The following SPACA7 variants were observed in gnomAD, a reference collection of about 807,000 sequenced individuals.
SPACA7 encodes sperm acrosome associated 7, also known as sperm acrosome-associated protein 7.
SPACA7 carries 19 observed loss-of-function variants against 26.3 expected under a neutral mutation model. The ratio of observed to expected loss-of-function variants is 0.72; its 90% CI spans 0.50 to 1.06. The LOEUF (loss-of-function observed/expected upper bound fraction) is 1.06, where lower values mean the gene tolerates loss of function less well. Ranked by LOEUF, SPACA7 falls within the 50% of genes least tolerant of loss-of-function variation. The pLI is 0.00. For synonymous variants in SPACA7, 84 were observed against 84.5 expected (o/e 0.99, Z 0.04); for missense variants, 211 against 229.9 (o/e 0.92, Z 0.53).
At chr13:112,401,384 C>T (rs934693842) in intron 5 of SPACA7, among the ~76,000 whole-genome samples, 10 of 152,104 alleles carry the variant, frequency 6.6e-5, no homozygotes, top group Non-Finnish European at 1.2e-4. Flanking sequence ...CATTTTTATA[C>T]CACTTTTGTA....
intron 2 of SPACA7, among the ~76,000 whole-genome samples, chr13:112,396,549 T>C (rs1187257702): frequency 6.6e-6 from 1 of 152,148 alleles, no homozygotes; most frequent in Non-Finnish European, 1.5e-5. Flanking sequence ...CCAGTGCCTG[T>C]GCAGTGTCTG....
intron 5 of SPACA7, among the ~76,000 whole-genome samples, chr13:112,419,121 T>C (rs1033355367): frequency 6.6e-6 from 1 of 151,930 alleles, no homozygotes; most frequent in African/African-American, 2.4e-5. Flanking sequence ...CATAAGAACA[T>C]TCCAGTAGCA....
chr13:112,395,634 C>T (rs931511832), intron 2 of SPACA7, among the ~76,000 whole-genome samples: 2 of 152,116 alleles, frequency 1.3e-5, no homozygotes, highest in African/African-American at 4.8e-5. Flanking sequence ...CCTCACCCAG[C>T]TAATTTTTGC....
At position 112,410,774 on chromosome 13, in the gene SPACA7, G is replaced by C. The variant is rs554034931; in HGVS notation, c.445+9610G>C. On this transcript the variant is annotated intron_variant, in intron 5 of 6. Transcript: ENST00000283550. ...TCAAAAAATAAAAAATAGAATTACT[G>C]TATGACCCAGCAATTACACTTCTGG... is the stretch of plus-strand genomic sequence containing the variant. Among the ~76,000 whole-genome samples, 15 of 152,160 alleles carry C rather than the reference G, an allele frequency of 9.9e-5. 1 individual carries two copies. In the South Asian group the frequency reaches 2.9e-3, roughly 29 times the overall value.
intron 6 of SPACA7, among the ~76,000 whole-genome samples, chr13:112,433,577 C>T (rs1165566846): frequency 6.6e-6 from 1 of 151,554 alleles, no homozygotes; most frequent in African/African-American, 2.4e-5. Context: ...CCGGCCAGCT[C>T]GTCCTTTGTT....
chr13:112,420,634 G>A (rs546093438), intron 5 of SPACA7, among the ~76,000 whole-genome samples: 2 of 151,988 alleles, frequency 1.3e-5, no homozygotes, highest in African/African-American at 2.4e-5. Flanking sequence ...ATAAAGAGAC[G>A]AGAGAGAGCA....
intron 1 of SPACA7, among the ~76,000 whole-genome samples, chr13:112,392,442 A>T (rs139086630): frequency 1.4e-4 from 21 of 152,332 alleles, no homozygotes; most frequent in South Asian, 4.1e-4. Flanking sequence ...TTGCTTATGA[A>T]GGAGGAGAAA....
At chr13:112,385,619 T>A (rs1884475755) in intron 1 of SPACA7, among the ~76,000 whole-genome samples, 2 of 152,196 alleles carry the variant, frequency 1.3e-5, no homozygotes, top group Admixed American at 6.5e-5. Flanking sequence ...GGAAATAGTT[T>A]GACCTTAAAA....
intron 1 of SPACA7, among the ~76,000 whole-genome samples, chr13:112,391,311 T>G (rs747584248): frequency 2.0e-5 from 3 of 152,208 alleles, no homozygotes; most frequent in Non-Finnish European, 2.9e-5. Flanking sequence ...CTCTCCTTGG[T>G]CCTTAATGAC....
chr13:112,404,019 G>A (rs1028857680), intron 5 of SPACA7, among the ~76,000 whole-genome samples: 5 of 152,184 alleles, frequency 3.3e-5, no homozygotes, highest in African/African-American at 9.7e-5. Context: ...CATAGTGGTT[G>A]TACCACTTTA....
rs1877245899 is a variant in SPACA7, at chr13:112,432,390, C to T, written c.446-54C>T. The T allele has an allele frequency of 6.4e-6, 9 of 1,413,796 alleles. No homozygotes were observed. The East Asian group carries it at 1.8e-4, about 29-fold the overall frequency. 87.6% of individuals were successfully genotyped at this position (1,413,796 alleles called of 1,614,324 possible). ...CCTGAAGTTAAAGGAAAAGTGGAAT[C>T]ATGCCTTAATTATTTACAAAGAGTG... On this transcript the variant is annotated intron_variant, in intron 5 of 6. Coordinates refer to ENST00000283550, the MANE Select transcript of SPACA7 (RefSeq NM_145248.5).
In SPACA7 at chr13:112,424,015, T is replaced by G. The variant is rs191684881; in HGVS notation, c.446-8429T>G. On this transcript the variant is annotated intron_variant, in intron 5 of 6. Coordinates refer to ENST00000283550, the MANE Select transcript of SPACA7 (RefSeq NM_145248.5). ...CTGGAAAAGGCCAAGCGTTTCACAT[T>G]GAGAGAACTTCGTTTTAAAGAAAAC... Among the ~76,000 whole-genome samples the G allele has an allele frequency of 5.3e-3, 803 of 152,288 alleles. 9 individuals carry two copies. Among genetic ancestry groups the G allele is most frequent in the African/African-American group, 0.017 (703 of 41,548 alleles).
At chr13:112,409,221 G>A (rs1219920567) in intron 5 of SPACA7, among the ~76,000 whole-genome samples, 4 of 152,048 alleles carry the variant, frequency 2.6e-5, no homozygotes, top group African/African-American at 7.2e-5. Context: ...AATTCAAGAT[G>A]GATTAAAGAC....
chr13:112,378,469 A>C (rs758498006), intron 1 of SPACA7, among the ~76,000 whole-genome samples: 16 of 152,238 alleles, frequency 1.1e-4, no homozygotes, highest in Non-Finnish European at 2.2e-4. Context: ...ACATAAGTGC[A>C]GCAAGAATGG....
chr13:112,384,370 AG>A (rs1368388419), intron 1 of SPACA7, among the ~76,000 whole-genome samples: 1 of 152,076 alleles, frequency 6.6e-6, no homozygotes, highest in East Asian at 1.9e-4. Context: ...TTAGAATTAT[AG>A]GAGTTTTACA....
intron 1 of SPACA7, among the ~76,000 whole-genome samples, chr13:112,377,955 T>C (rs971665344): frequency 6.6e-6 from 1 of 152,168 alleles, no homozygotes; most frequent in Non-Finnish European, 1.5e-5. Flanking sequence ...ATTTCTGGAT[T>C]TTGGGCTCAA....
chr13:112,389,185 C>T (rs1884720795), intron 1 of SPACA7, among the ~76,000 whole-genome samples: 1 of 152,172 alleles, frequency 6.6e-6, no homozygotes, highest in Admixed American at 6.5e-5. Context: ...AACTATGAAC[C>T]TTCTCCCATA....
At chr13:112,403,863 C>CA (rs1885804234) in intron 5 of SPACA7, among the ~76,000 whole-genome samples, 2 of 152,278 alleles carry the variant, frequency 1.3e-5, no homozygotes, top group South Asian at 4.1e-4. Flanking sequence ...TTTGCAATTG[C>CA]AAATTGTGCT....
At chr13:112,398,399 C>A (rs1029578236) in intron 3 of SPACA7, among the ~76,000 whole-genome samples, 19 of 152,102 alleles carry the variant, frequency 1.2e-4, no homozygotes, top group African/African-American at 4.3e-4. Context: ...CACGTTCTCG[C>A]CCTCGGGAGC....
Sources: gnomAD v4.1 joint callset for allele counts (sites outside exome capture counted in the v4.1 genomes callset) on GRCh38, gnomAD v4.1.1 for gene constraint, MANE v1.5 for transcripts, NCBI Gene and HGNC (gene_info 2026-07-23, HGNC 2026-07-21) for gene names.